The following TRDN variants were observed in gnomAD, a reference collection of about 807,000 sequenced individuals.
The protein encoded by TRDN is triadin in skeletal muscle.
TRDN carries 161 observed loss-of-function variants against 149.7 expected under a neutral mutation model. The ratio of observed to expected loss-of-function variants is 1.08; its 90% CI spans 0.95 to 1.23. The LOEUF (loss-of-function observed/expected upper bound fraction) is 1.23. TRDN is among the 50% of genes most tolerant of loss of function. The probability of loss-of-function intolerance (pLI) is 0.00; values close to 1 mark genes in which losing one functional copy is unlikely to be tolerated. For missense variants in TRDN, 896 were observed against 823.5 expected, an observed-to-expected ratio of 1.09 and a Z score of -1.08; for synonymous variants, 294 against 250.5, an observed-to-expected ratio of 1.17 and a Z score of -1.64.
At chr6:123,556,268 T>C (rs1781647383) in intron 2 of TRDN, among the ~76,000 whole-genome samples, 1 of 152,168 alleles carries the variant, frequency 6.6e-6, no homozygotes, top group African/African-American at 2.4e-5. Context: ...AATAGTTGTA[T>C]ACAATCACTT....
chr6:123,586,381 G>C (rs1036491947), intron 1 of TRDN, among the ~76,000 whole-genome samples: 1 of 152,146 alleles, frequency 6.6e-6, no homozygotes, highest in East Asian at 2.0e-4. Flanking sequence ...AAAAGGAAGA[G>C]TAGAAAGACT....
intron 10 of TRDN, among the ~76,000 whole-genome samples, chr6:123,450,814 CA>C (rs1223361727): frequency 2.8e-4 from 43 of 152,066 alleles, no homozygotes; most frequent in African/African-American, 1.0e-3. Context: ...TTCAATAGTG[CA>C]CGGAACTTTC....
At chr6:123,463,287 A>G (rs1028321065) in intron 10 of TRDN, among the ~76,000 whole-genome samples, 1 of 151,612 alleles carries the variant, frequency 6.6e-6, no homozygotes, top group African/African-American at 2.4e-5. Context: ...CAGTGAGCCG[A>G]GATGGTGCCA....
intron 9 of TRDN, among the ~76,000 whole-genome samples, chr6:123,474,865 C>A (rs950004507): frequency 2.6e-5 from 4 of 152,060 alleles, no homozygotes; most frequent in African/African-American, 9.7e-5. Flanking sequence ...TAAAGATGTT[C>A]TTTGAAACCA....
intron 1 of TRDN, among the ~76,000 whole-genome samples, chr6:123,614,294 A>C (rs55654920): frequency 0.048 from 6,559 of 135,824 alleles, 149 homozygotes; most frequent in African/African-American, 0.057. Flanking sequence ...TCATTAAAAA[A>C]AAAAACAAAA....
intron 1 of TRDN, among the ~76,000 whole-genome samples, chr6:123,590,408 T>C (rs1783721745): frequency 6.6e-6 from 1 of 152,172 alleles, no homozygotes; most frequent in East Asian, 1.9e-4. Flanking sequence ...ACTTCAGAGT[T>C]TCTACCAATT....
intron 21 of TRDN, among the ~76,000 whole-genome samples, chr6:123,337,902 C>CA (rs1343347269): frequency 6.6e-6 from 1 of 151,642 alleles, no homozygotes; most frequent in Non-Finnish European, 1.5e-5. Flanking sequence ...GCCATATATA[C>CA]AAAAAAAGGT....
intron 40 of TRDN, among the ~76,000 whole-genome samples, chr6:123,220,566 G>C: frequency 6.6e-6 from 1 of 151,588 alleles, no homozygotes; most frequent in Non-Finnish European, 1.5e-5. Context: ...ATTATATGAA[G>C]GATTATAATA....
chr6:123,239,459 C>G (rs1212543989), intron 38 of TRDN, among the ~76,000 whole-genome samples: 1 of 152,136 alleles, frequency 6.6e-6, no homozygotes, highest in Non-Finnish European at 1.5e-5. Flanking sequence ...ACACAATCTT[C>G]TCAATCATAT....
chr6:123,485,015 A>C (rs1437296858), intron 9 of TRDN, among the ~76,000 whole-genome samples: 2 of 152,190 alleles, frequency 1.3e-5, no homozygotes, highest in African/African-American at 2.4e-5. Flanking sequence ...ACTTACAGTG[A>C]CTAGAATGTT....
intron 22 of TRDN, among the ~76,000 whole-genome samples, chr6:123,333,543 T>TG (rs1779743172): frequency 2.0e-5 from 3 of 152,106 alleles, no homozygotes; most frequent in African/African-American, 7.2e-5. Flanking sequence ...AGTCATCACT[T>TG]GCACTGACTT....
intron 38 of TRDN, among the ~76,000 whole-genome samples, chr6:123,243,106 C>T (rs1307860895): frequency 1.3e-5 from 2 of 152,140 alleles, no homozygotes; most frequent in Non-Finnish European, 2.9e-5. Flanking sequence ...AAGGTTGCTA[C>T]AGAACCAAGG....
chr6:123,218,840 C>T, intron 40 of TRDN, 100 bp from the exon 41 acceptor site: 1 of 1,285,860 alleles, frequency 7.8e-7, no homozygotes. Flanking sequence ...CAGATTCTGC[C>T]AGCAGCCTCC....
chr6:123,514,619 A>T (rs1031448394), intron 6 of TRDN, among the ~76,000 whole-genome samples: 2 of 128,774 alleles, frequency 1.6e-5, no homozygotes, highest in Admixed American at 8.5e-5. Flanking sequence ...GATGAAGGGT[A>T]TACATACCCA....
intron 38 of TRDN, among the ~76,000 whole-genome samples, chr6:123,242,552 G>A (rs1776028186): frequency 6.6e-6 from 1 of 152,072 alleles, no homozygotes; most frequent in Non-Finnish European, 1.5e-5. Flanking sequence ...TTTAGATTCA[G>A]CTAATACGAG....
intron 9 of TRDN, among the ~76,000 whole-genome samples, chr6:123,473,303 G>A (rs974047528): frequency 5.4e-4 from 82 of 152,246 alleles, no homozygotes; most frequent in African/African-American, 1.9e-3. Flanking sequence ...GAATGCAGAA[G>A]CCTCAGGAGC....
At chr6:123,565,046 T>C (rs1293806131) in intron 2 of TRDN, among the ~76,000 whole-genome samples, 1 of 152,238 alleles carries the variant, frequency 6.6e-6, no homozygotes, top group East Asian at 1.9e-4. Flanking sequence ...TGTAGTCATT[T>C]CTTTATAAAT....
chr6:123,239,645 C>A (rs957291743), intron 38 of TRDN, among the ~76,000 whole-genome samples: 1 of 151,988 alleles, frequency 6.6e-6, no homozygotes, highest in African/African-American at 2.4e-5. Context: ...TAAATAAAAT[C>A]TAATACACTA....
intron 1 of TRDN, among the ~76,000 whole-genome samples, chr6:123,626,504 C>T (rs966854886): frequency 2.0e-5 from 3 of 152,020 alleles, no homozygotes; most frequent in African/African-American, 7.2e-5. Flanking sequence ...AGTCACTCTT[C>T]ATCCATTCAA....
Sources: gnomAD v4.1 joint callset for allele counts (sites outside exome capture counted in the v4.1 genomes callset) on GRCh38, gnomAD v4.1.1 for gene constraint, MANE v1.5 for transcripts, NCBI Gene and HGNC (gene_info 2026-07-23, HGNC 2026-07-21) for gene names.